The following SPATC1 variants were observed in gnomAD, a reference collection of about 807,000 sequenced individuals.
The protein encoded by SPATC1 is speriolin.
A neutral mutation model predicts 36.5 loss-of-function variants in SPATC1; 35 were observed. The observed-to-expected ratio is 0.96, with a 90% CI of 0.73 to 1.27. SPATC1 has a LOEUF of 1.27. SPATC1 is among the 50% of genes most tolerant of loss of function. The probability of loss-of-function intolerance (pLI) is 0.00; values close to 1 mark genes in which losing one functional copy is unlikely to be tolerated. For synonymous variants in SPATC1, 361 were observed against 353.6 expected (o/e 1.02, Z -0.24); for missense variants, 779 against 796.0 (o/e 0.98, Z 0.26).
chr8:144,027,196 A>C (rs1248205793), intron 1 of SPATC1, among the ~76,000 whole-genome samples: 1 of 151,314 alleles, frequency 6.6e-6, no homozygotes, highest in Non-Finnish European at 1.5e-5. Flanking sequence ...TTTGTCTTAA[A>C]CTCCCAGACT....
chr8:144,038,203 G>A (rs1253152992), intron 1 of SPATC1, among the ~76,000 whole-genome samples: 2 of 151,444 alleles, frequency 1.3e-5, no homozygotes, highest in East Asian at 3.9e-4. Context: ...GGGAAGCCCA[G>A]GCAGGCAGAT....
chr8:144,019,469 C>T (rs968603876), intron 1 of SPATC1, among the ~76,000 whole-genome samples: 5 of 152,264 alleles, frequency 3.3e-5, no homozygotes, highest in African/African-American at 4.8e-5. Context: ...GGCCGTTGGC[C>T]GAGTTAACTT....
Position 144,041,053 on chromosome 8 carries a change from G to A in SPATC1, c.1252G>A (p.Val418Met), listed in dbSNP as rs1389177150. ...TEPSTKSMME[V>M]ERKLAHRKTS... ...ACCGTCGACGAAGAGCATGATGGAG[G>A]TGGAACGGAAGCTGGCCCACCGCAA... Residue 418 changes from valine (V) to methionine (M), a missense_variant, in exon 3 of 5, where the codon GTG becomes ATG. By Grantham distance (21) the Val-to-Met change is conservative. Coordinates refer to ENST00000377470, the MANE Select transcript of SPATC1 (RefSeq NM_198572.3). The A allele has an allele frequency of 1.7e-5, 28 of 1,604,994 alleles. No homozygotes were observed. The highest frequency in any genetic ancestry group is 2.2e-5 in the Non-Finnish European group (26 of 1,175,946).
intron 1 of SPATC1, among the ~76,000 whole-genome samples, chr8:144,013,351 C>T (rs1396134079): frequency 6.6e-6 from 1 of 152,160 alleles, no homozygotes; most frequent in African/African-American, 2.4e-5. Context: ...TTCAACTCTC[C>T]ACTAGAACTC....
At chr8:144,013,589 G>C (rs925679351) in intron 1 of SPATC1, among the ~76,000 whole-genome samples, 1 of 152,074 alleles carries the variant, frequency 6.6e-6, no homozygotes, top group Non-Finnish European at 1.5e-5. Flanking sequence ...TACTGATTAC[G>C]AGCACATAGA....
chr8:144,045,354 G>A lies in SPATC1; in HGVS notation c.1447-1273G>A, dbSNP rs1306622657. On this transcript the variant is annotated intron_variant, in intron 4 of 4. Coordinates refer to ENST00000377470, the MANE Select transcript of SPATC1 (RefSeq NM_198572.3). The surrounding 1 kb of genome is among the most constrained non-coding windows in gnomAD (Gnocchi z 5.2). ...TGAGCGCAGGCTCTGGGAGCACTTA[G>A]CAGAGGTTGACGTCACATTAACCGG... 6.6e-6 allele frequency among the ~76,000 whole-genome samples: 1 copy of A among 152,250 alleles called. No homozygotes were observed. Among genetic ancestry groups the A allele is most frequent in the Non-Finnish European group, 1.5e-5 (1 of 68,046 alleles).
chr8:144,040,676 C>CA lies in SPATC1; in HGVS notation c.876dup (p.Pro293ThrfsTer78). On this transcript the variant is annotated frameshift_variant, in exon 3 of 5. Coordinates refer to ENST00000377470, the MANE Select transcript of SPATC1 (RefSeq NM_198572.3). LOFTEE classifies it high-confidence loss of function. ...TCCACCCCTATCGGAGCCATGGGCACACCTGCTCCCAAGACGGCCTTCTCC... is the reference window on the plus strand; with the variant it reads ...TCCACCCCTATCGGAGCCATGGGCACAACCTGCTCCCAAGACGGCCTTCTCC... 6.2e-7 allele frequency: 1 copy of CA among 1,613,784 alleles called. No individual in the cohort carries two copies. The highest frequency in any genetic ancestry group is 8.5e-7 in the Non-Finnish European group (1 of 1,179,934).
At chr8:144,043,720 T>C (rs1230403884) in intron 4 of SPATC1, among the ~76,000 whole-genome samples, 5 of 151,518 alleles carry the variant, frequency 3.3e-5, no homozygotes, top group Non-Finnish European at 5.9e-5. Context: ...TAAGTGACTA[T>C]TTTGATACCA....
At chr8:144,038,432 C>CA (rs371767912) in intron 1 of SPATC1, among the ~76,000 whole-genome samples, 30,414 of 115,720 alleles carry the variant, frequency 0.26, 3,509 homozygotes, top group South Asian at 0.39. Context: ...GACTCTGTCT[C>CA]AAAAAAAAAA....
At chr8:144,026,809 C>CTTTT (rs1230432833) in intron 1 of SPATC1, among the ~76,000 whole-genome samples, 1 of 131,948 alleles carries the variant, frequency 7.6e-6, no homozygotes, top group African/African-American at 2.9e-5. Flanking sequence ...CTTTCTTTTT[C>CTTTT]TTTTTTTTTT....
intron 1 of SPATC1, among the ~76,000 whole-genome samples, chr8:144,027,010 T>A (rs1181576452): frequency 6.8e-6 from 1 of 146,494 alleles, no homozygotes; most frequent in Non-Finnish European, 1.5e-5. Flanking sequence ...TTTTTTGGAT[T>A]TTTAGTAGAG....
rs1213609620 is a variant in SPATC1 at position 144,029,680 on chromosome 8, T to C, written c.212-10229T>C. 2.0e-5 allele frequency among the ~76,000 whole-genome samples: 3 copies of C among 152,262 alleles called. No individual in the cohort carries two copies. In the East Asian group the frequency reaches 5.8e-4, roughly 29 times the overall value. ...GTCTCATTCTTATGGTCAGAGAAGA[T>C]ACTTTATATGATTTCAATATTTTAA... On this transcript the variant is annotated intron_variant, in intron 1 of 4. Transcript: ENST00000377470.
intron 1 of SPATC1, among the ~76,000 whole-genome samples, chr8:144,024,433 AGGATCCTCTTCCCTCT>A (rs1254367837): frequency 1.9e-3 from 239 of 125,086 alleles, no homozygotes; most frequent in Admixed American, 7.1e-3. Flanking sequence ...CTATTCCCTT[AGGATCCTCTTCCCTCT>A]GGATCCTCTT....
rs1308217377 is a variant in SPATC1 at position 144,014,351 on chromosome 8, GA to G, written c.211+1628del. ...AGAAAGAAAGAAAGAGAAAGAAAGG[GA>G]AAGGAAGGAAGGAAGGAAAAGAGAG... On this transcript the variant is annotated intron_variant, in intron 1 of 4. Coordinates refer to ENST00000377470, the MANE Select transcript of SPATC1 (RefSeq NM_198572.3). Among the ~76,000 whole-genome samples, 11 of 149,864 alleles carry G rather than the reference GA, an allele frequency of 7.3e-5. No individual in the cohort carries two copies. In the East Asian group the frequency reaches 2.0e-3, roughly 27 times the overall value.
chr8:144,021,290 C>A (rs1484332863), intron 1 of SPATC1, among the ~76,000 whole-genome samples: 1 of 28,880 alleles, frequency 3.5e-5, no homozygotes, highest in South Asian at 1.3e-3. Flanking sequence ...AGGTCCCTCT[C>A]CCCTCAGGAC....
chr8:144,042,821 C>T (rs1174759657), intron 4 of SPATC1, among the ~76,000 whole-genome samples: 2 of 151,740 alleles, frequency 1.3e-5, no homozygotes, highest in Admixed American at 1.3e-4. Context: ...GGCCTGTGTG[C>T]GAGAGGACTT....
At chr8:144,035,882 A>G (rs907915326) in intron 1 of SPATC1, among the ~76,000 whole-genome samples, 4 of 152,032 alleles carry the variant, frequency 2.6e-5, no homozygotes, top group Non-Finnish European at 5.9e-5. Flanking sequence ...GTCCTTTCCC[A>G]CATCACCCAG....
In SPATC1 at chr8:144,045,034, G is replaced by C. The variant is rs1417340753; in HGVS notation, c.1447-1593G>C. Among the ~76,000 whole-genome samples, 2 of 152,242 alleles carry C rather than the reference G, an allele frequency of 1.3e-5. No individual in the cohort carries two copies. Among genetic ancestry groups the C allele is most frequent in the African/African-American group, 4.8e-5 (2 of 41,468 alleles). On this transcript the variant is annotated intron_variant, in intron 4 of 4. Coordinates refer to ENST00000377470, the MANE Select transcript of SPATC1 (RefSeq NM_198572.3). The surrounding 1 kb of genome is among the most constrained non-coding windows in gnomAD (Gnocchi z 5.2). ...AAGGTGGGGGCCCCTGCGTGCCCTGGTGCTCAGTGCTCACTGGGGCCGCTG... is the reference window on the plus strand; with the variant it reads ...AAGGTGGGGGCCCCTGCGTGCCCTGCTGCTCAGTGCTCACTGGGGCCGCTG...
At chr8:144,022,556 C>T (rs1351112982) in intron 1 of SPATC1, among the ~76,000 whole-genome samples, 9 of 87,670 alleles carry the variant, frequency 1.0e-4, no homozygotes, top group East Asian at 3.3e-4. Context: ...ACCCTTCCCC[C>T]TCAGGACCCT....
Sources: gnomAD v4.1 joint callset for allele counts (sites outside exome capture counted in the v4.1 genomes callset) on GRCh38, gnomAD v4.1.1 for gene constraint, Gnocchi (gnomAD v3.1) non-coding constraint, MANE v1.5 for transcripts, NCBI Gene and HGNC (gene_info 2026-07-23, HGNC 2026-07-21) for gene names.